Variants in DAZL observed in about 807,000 individuals in gnomAD.
DAZL encodes the protein deleted in azoospermia like.
Under a neutral mutation model 45.0 loss-of-function variants are expected in DAZL, and 4 were observed. The ratio of observed to expected loss-of-function variants is 0.09; its 90% CI spans 0.04 to 0.20. The LOEUF is 0.20. DAZL is among the 10% of genes least tolerant of loss of function. The probability of loss-of-function intolerance (pLI) is 1.00; values close to 1 mark genes in which losing one functional copy is unlikely to be tolerated. For missense variants in DAZL, 326 were observed against 351.3 expected (o/e 0.93, Z 0.58); for synonymous variants, 122 against 112.4 (o/e 1.09, Z -0.54).
intron 10 of DAZL, among the ~76,000 whole-genome samples, chr3:16,589,570 T>C (rs1485721752): frequency 6.6e-6 from 1 of 152,192 alleles, no homozygotes; most frequent in Admixed American, 6.5e-5. Context: ...AGAGTGGAAT[T>C]AGCTATGGAA....
chr3:16,595,269 T>G (rs1054808096), intron 7 of DAZL, 45 bp downstream of exon 7: 2 of 1,123,840 alleles, frequency 1.8e-6, no homozygotes, highest in African/African-American at 3.1e-5. Flanking sequence ...GTTAAAGGCC[T>G]CAATAAAATC....
Position 16,588,300 on chromosome 3 carries a change from A to AT in DAZL, c.*359dup. 1 of 305,340 alleles carries AT rather than the reference A, an allele frequency of 3.3e-6. No individual in the cohort carries two copies. Among genetic ancestry groups the AT allele is most frequent in the Non-Finnish European group, 6.3e-6 (1 of 158,472 alleles). 18.9% of individuals were successfully genotyped at this position (305,340 alleles called of 1,614,324 possible). A position where few individuals can be genotyped will look rare whatever the true frequency, so the allele number is the denominator to read the frequency against. On this transcript the variant is annotated 3_prime_UTR_variant, in exon 11 of 11. Coordinates refer to ENST00000399444, the MANE Select transcript of DAZL (RefSeq NM_001351.4). The stretch of plus-strand genomic sequence containing the variant: ...CTTGTTGGAGAAGTGAAATGTTTGT[A>AT]TTCAGACCAACAAAATTCTGACCTT...
chr3:16,598,567 G>A lies in DAZL; in HGVS notation c.35C>T (p.Thr12Ile), dbSNP rs771995066. The A allele has an allele frequency of 1.1e-5, 17 of 1,600,428 alleles. No homozygotes were observed. Among genetic ancestry groups the A allele is most frequent in the Non-Finnish European group, 1.4e-5 (17 of 1,178,746 alleles). The change falls in exon 2 of 11, where the codon ACC becomes ATC. Residue 12 changes from threonine (T) to isoleucine (I), a missense_variant. By Grantham distance (89) the Thr-to-Ile change is moderately conservative. Coordinates refer to ENST00000399444, the MANE Select transcript of DAZL (RefSeq NM_001351.4). ...CTGGGTGCTGGCCTCTCTGGAGATGGTTGAGTTTGGAGTTTCAGGATTTGC... is the reference window on the plus strand; with the variant it reads ...CTGGGTGCTGGCCTCTCTGGAGATGATTGAGTTTGGAGTTTCAGGATTTGC... ...STANPETPNS[T>I]ISREASTQSS... is the part of the protein sequence containing the mutation.
intron 9 of DAZL, among the ~76,000 whole-genome samples, chr3:16,593,233 G>T (rs1034176868): frequency 6.6e-6 from 1 of 152,124 alleles, no homozygotes; most frequent in Non-Finnish European, 1.5e-5. Flanking sequence ...AAAATTAGTG[G>T]AACTGGAATA....
At position 16,598,527 on chromosome 3, in the gene DAZL, T is replaced by G; in HGVS notation, c.75A>C (p.Ala25=). 6.2e-7 allele frequency: 1 copy of G among 1,606,584 alleles called. No individual in the cohort carries two copies. The highest frequency in any genetic ancestry group is 2.2e-5 in the East Asian group (1 of 44,824). The part of the protein sequence containing the change: ...REASTQSSSA[A]TSQGYILPEG... ...CTGGTAAAATATAGCCTTGGCTGGT[T>G]GCAGCTGATGAGGACTGGGTGCTGG... Residue 25 remains alanine, a synonymous_variant, in exon 2 of 11, where the codon GCA becomes GCC. Coordinates refer to ENST00000399444, the MANE Select transcript of DAZL (RefSeq NM_001351.4).
chr3:16,605,157 T>C, intron 1 of DAZL, 46 bp downstream of exon 1: 2 of 1,613,404 alleles, frequency 1.2e-6, no homozygotes, highest in South Asian at 1.1e-5. Context: ...CACCCACGAG[T>C]GAAGACTCCG....
At chr3:16,598,801 T>G (rs200307735) in intron 1 of DAZL, among the ~76,000 whole-genome samples, 2 of 130,960 alleles carry the variant, frequency 1.5e-5, no homozygotes, top group Non-Finnish European at 3.3e-5. Flanking sequence ...TTTTTTTTTT[T>G]TGAGAGAGTC....
intron 1 of DAZL, among the ~76,000 whole-genome samples, chr3:16,601,531 C>T (rs1345103421): frequency 6.6e-6 from 1 of 152,086 alleles, no homozygotes; most frequent in African/African-American, 2.4e-5. Context: ...TGTATTTATA[C>T]ATAATTATAA....
intron 1 of DAZL, chr3:16,604,939 C>A (rs1229220881): frequency 7.3e-6 from 5 of 684,608 alleles, no homozygotes; most frequent in Non-Finnish European, 1.2e-5. Context: ...GTGGCCCTTG[C>A]ACGTGGCCGG....
intron 8 of DAZL, among the ~76,000 whole-genome samples, 163 bp from the exon 9 acceptor site, chr3:16,593,931 T>C (rs1196553164): frequency 6.6e-6 from 1 of 152,220 alleles, no homozygotes; most frequent in African/African-American, 2.4e-5. Flanking sequence ...ACAGTTGAAA[T>C]ACAGTAAGGC....
rs758690922 is a variant in DAZL at position 16,593,765 on chromosome 3, A to G, written c.625T>C (p.Tyr209His). The change falls in exon 9 of 11, where the codon TAT becomes CAT. Residue 209 changes from tyrosine to histidine, a missense_variant. By Grantham distance (83) the Tyr-to-His change is moderately conservative. Coordinates refer to ENST00000399444, the MANE Select transcript of DAZL (RefSeq NM_001351.4). ...EQRSYVVPPA[Y>H]SAVNYHCNEV... ...TTACAGTGGTAGTTAACAGCTGAAT[A>G]AGCCTATATTTAAAATAATGAAAGT... The G allele has an allele frequency of 6.9e-6, 11 of 1,592,344 alleles. No homozygotes were observed. In the South Asian group the frequency reaches 1.2e-4, roughly 18 times the overall value.
At chr3:16,601,440 G>T (rs1472956283) in intron 1 of DAZL, among the ~76,000 whole-genome samples, 1 of 152,158 alleles carries the variant, frequency 6.6e-6, no homozygotes, top group East Asian at 1.9e-4. Flanking sequence ...TCAGCCAGCA[G>T]GTGGCGCTCA....
rs780769895 is a variant in DAZL at position 16,598,500 on chromosome 3, T to C, written c.102A>G (p.Glu34=). ...AATSQGYILP[E]GKIMPNTVFV... ...AAACAGTGTTTGGCATGATTTTGCCTTCTGGTAAAATATAGCCTTGGCTGG... is the reference window on the plus strand; with the variant it reads ...AAACAGTGTTTGGCATGATTTTGCCCTCTGGTAAAATATAGCCTTGGCTGG... The change falls in exon 2 of 11, where the codon GAA becomes GAG. Residue 34 remains glutamate, a synonymous_variant. Transcript: ENST00000399444. The C allele has an allele frequency of 6.2e-7, 1 of 1,609,258 alleles. No individual in the cohort carries two copies. Among genetic ancestry groups the C allele is most frequent in the Admixed American group, 1.7e-5 (1 of 59,978 alleles).
intron 3 of DAZL, 54 bp from the exon 4 acceptor site, chr3:16,597,595 A>T: frequency 9.2e-7 from 1 of 1,088,554 alleles, no homozygotes; most frequent in Non-Finnish European, 1.4e-6. Flanking sequence ...TACATGGTTC[A>T]GAACTTCTAC....
chr3:16,604,428 G>A lies in DAZL; in HGVS notation c.3+775C>T, dbSNP rs572646205. 383 of 1,529,408 alleles carry A rather than the reference G, an allele frequency of 2.5e-4. 3 individuals carry two copies. In the East Asian group the frequency reaches 9.2e-3, roughly 37 times the overall value. 94.7% of individuals were successfully genotyped at this position (1,529,408 alleles called of 1,614,324 possible). On this transcript the variant is annotated intron_variant, in intron 1 of 10. Transcript: ENST00000399444. ...AATTCTAAAATTCTTAATGGTAACT[G>A]CTGAAACCAACCTCGTGCGGCAAAG...
At chr3:16,591,920 T>A (rs1694523979) in intron 10 of DAZL, 130 bp downstream of exon 10, 1 of 1,069,838 alleles carries the variant, frequency 9.3e-7, no homozygotes, top group Admixed American at 2.0e-5. Flanking sequence ...TGGTTTACTG[T>A]GTTATAGTCA....
intron 1 of DAZL, chr3:16,604,358 G>T: frequency 1.6e-6 from 2 of 1,253,800 alleles, no homozygotes; most frequent in Non-Finnish European, 2.2e-6. Flanking sequence ...TTTGTCAAAG[G>T]ATCCTGGTTT....
chr3:16,601,947 G>A (rs1256957144), intron 1 of DAZL, among the ~76,000 whole-genome samples: 4 of 152,146 alleles, frequency 2.6e-5, no homozygotes, highest in Non-Finnish European at 4.4e-5. Flanking sequence ...GAACATGAAA[G>A]CAAACTGAGA....
chr3:16,605,178 C>T (rs1694760127), intron 1 of DAZL, 25 bp downstream of exon 1: 5 of 1,614,006 alleles, frequency 3.1e-6, no homozygotes, highest in African/African-American at 1.3e-5. Flanking sequence ...CCAGCCTTGC[C>T]CCTCGGGCCT....
Sources: allele counts gnomAD v4.1 joint callset (sites outside exome capture counted in the v4.1 genomes callset), GRCh38; gene constraint gnomAD v4.1.1; transcripts MANE v1.5; gene names NCBI Gene and HGNC (gene_info 2026-07-23, HGNC 2026-07-21).